The following BCAS3 variants were observed in gnomAD, a reference collection of about 807,000 sequenced individuals.
BCAS3 encodes BCAS4/BCAS3 fusion.
Under a neutral mutation model 116.1 loss-of-function variants are expected in BCAS3, and 53 were observed. The ratio of observed to expected loss-of-function variants is 0.46; its 90% CI spans 0.37 to 0.57. BCAS3 has a LOEUF of 0.57. BCAS3 is among the 20% of genes least tolerant of loss of function. The pLI is 0.00. For missense variants in BCAS3, 917 were observed against 1,165.4 expected (o/e 0.79, Z 3.10); for synonymous variants, 391 against 408.2 (o/e 0.96, Z 0.51).
intron 22 of BCAS3, among the ~76,000 whole-genome samples, chr17:61,266,410 A>G (rs1191078841): frequency 6.6e-6 from 1 of 152,208 alleles, no homozygotes; most frequent in African/African-American, 2.4e-5. Flanking sequence ...TGCTTCTCAC[A>G]AGAAAATTCA....
chr17:60,876,467 C>T (rs1350737323), intron 9 of BCAS3, among the ~76,000 whole-genome samples: 1 of 152,000 alleles, frequency 6.6e-6, no homozygotes, highest in Non-Finnish European at 1.5e-5. Flanking sequence ...CTTTAGCTTA[C>T]AGAAACTTCT....
chr17:60,790,708 G>C (rs1371790934), intron 6 of BCAS3, among the ~76,000 whole-genome samples: 1 of 141,678 alleles, frequency 7.1e-6, no homozygotes, highest in Non-Finnish European at 1.5e-5. Context: ...AATAACTATA[G>C]TTTTATTCAT....
chr17:61,207,977 T>C (rs988196904), intron 22 of BCAS3, among the ~76,000 whole-genome samples: 1 of 152,148 alleles, frequency 6.6e-6, no homozygotes, highest in Non-Finnish European at 1.5e-5. Flanking sequence ...TGCTTTTAAA[T>C]AGAATTAGAG....
At chr17:60,809,341 T>C (rs2048581221) in intron 7 of BCAS3, among the ~76,000 whole-genome samples, 1 of 151,338 alleles carries the variant, frequency 6.6e-6, no homozygotes, top group Non-Finnish European at 1.5e-5. Flanking sequence ...TGAAAACAAC[T>C]ATTGCAGTAC....
At chr17:61,328,950 A>C (rs1414176291) in intron 22 of BCAS3, among the ~76,000 whole-genome samples, 1 of 136,780 alleles carries the variant, frequency 7.3e-6, no homozygotes, top group Non-Finnish European at 1.5e-5. Flanking sequence ...GCTGGAGTGC[A>C]GTGGTGCAAT....
At chr17:61,221,122 C>G (rs1228351918) in intron 22 of BCAS3, among the ~76,000 whole-genome samples, 1 of 152,116 alleles carries the variant, frequency 6.6e-6, no homozygotes, top group Non-Finnish European at 1.5e-5. Flanking sequence ...AAGTGTGGTT[C>G]ATAGTAGAAT....
chr17:60,941,290 G>T (rs1402350874), intron 13 of BCAS3, among the ~76,000 whole-genome samples: 1 of 152,132 alleles, frequency 6.6e-6, no homozygotes, highest in Non-Finnish European at 1.5e-5. Context: ...CTCATTTGGG[G>T]CGTGGGTTTA....
At chr17:60,782,588 A>G (rs1365461668) in intron 6 of BCAS3, among the ~76,000 whole-genome samples, 5 of 147,850 alleles carry the variant, frequency 3.4e-5, no homozygotes, top group African/African-American at 4.9e-5. Flanking sequence ...TATTATTATT[A>G]TTATTATTAT....
At chr17:60,911,535 T>C (rs1377455491) in intron 12 of BCAS3, among the ~76,000 whole-genome samples, 3 of 152,168 alleles carry the variant, frequency 2.0e-5, no homozygotes, top group African/African-American at 7.2e-5. Context: ...TGACCTCAAG[T>C]GATCTGTCCG....
intron 19 of BCAS3, among the ~76,000 whole-genome samples, chr17:61,061,585 G>A (rs2070042345): frequency 6.6e-6 from 1 of 152,160 alleles, no homozygotes; most frequent in Non-Finnish European, 1.5e-5. Context: ...ACCAAAAATA[G>A]TGATTATTTA....
rs770127026 is a variant in BCAS3 at position 61,278,474 on chromosome 17, C to T, written c.2426-89853C>T. ...ACAGGTGTGTGCCACCATGCCCAGC[C>T]TCTATCAACTGTTGGATGGACCTAC... On this transcript the variant is annotated intron_variant, in intron 22 of 23. Coordinates refer to ENST00000407086, the MANE Select transcript of BCAS3 (RefSeq NM_017679.5). The surrounding 1 kb of genome is among the most constrained non-coding windows in gnomAD (Gnocchi z 5.8). Among the ~76,000 whole-genome samples the T allele has an allele frequency of 2.4e-4, 36 of 152,070 alleles. No homozygotes were observed. Among genetic ancestry groups the T allele is most frequent in the Non-Finnish European group, 4.6e-4 (31 of 68,002 alleles).
At chr17:60,756,268 C>A (rs932913925) in intron 6 of BCAS3, among the ~76,000 whole-genome samples, 2 of 152,204 alleles carry the variant, frequency 1.3e-5, no homozygotes, top group Non-Finnish European at 2.9e-5. Flanking sequence ...CCACCACTTA[C>A]CTAACAGGAG....
chr17:60,865,090 G>A (rs1238991968), intron 7 of BCAS3, among the ~76,000 whole-genome samples: 2 of 152,088 alleles, frequency 1.3e-5, no homozygotes, highest in Non-Finnish European at 2.9e-5. Context: ...GAAGTATTAT[G>A]AGAATTACCA....
At chr17:60,803,276 G>A (rs903829939) in intron 6 of BCAS3, among the ~76,000 whole-genome samples, 1 of 152,154 alleles carries the variant, frequency 6.6e-6, no homozygotes, top group South Asian at 2.1e-4. Flanking sequence ...GCCTAACAGG[G>A]TAAAGGTCTT....
chr17:60,926,425 A>T (rs1056628215), intron 13 of BCAS3, among the ~76,000 whole-genome samples: 47 of 152,316 alleles, frequency 3.1e-4, no homozygotes, highest in African/African-American at 1.1e-3. Flanking sequence ...GATTATCATT[A>T]TATAGAGATA....
Position 61,213,512 on chromosome 17 carries a change from CTTA to C in BCAS3, c.2425+128954_2425+128956del, listed in dbSNP as rs202110646. On this transcript the variant is annotated intron_variant, in intron 22 of 23. Coordinates refer to ENST00000407086, the MANE Select transcript of BCAS3 (RefSeq NM_017679.5). The surrounding 1 kb of genome is among the most constrained non-coding windows in gnomAD (Gnocchi z 5.4). ...GAAAAAAGTAAGGCATGAAAAGAGT[CTTA>C]TTATTTGTTTAGTTGACAGGAAATT... 7.5e-3 allele frequency among the ~76,000 whole-genome samples: 1,146 copies of C among 152,152 alleles called. 17 individuals are homozygous for C. Among genetic ancestry groups the C allele is most frequent in the African/African-American group, 0.026 (1,068 of 41,494 alleles).
At chr17:60,730,922 A>C (rs2040394686) in intron 5 of BCAS3, among the ~76,000 whole-genome samples, 1 of 152,142 alleles carries the variant, frequency 6.6e-6, no homozygotes, top group Admixed American at 6.6e-5. Flanking sequence ...CTTTCAGTAG[A>C]GCTGGCTCTG....
rs1320456992 is a variant in BCAS3, at chr17:60,825,162, T to C, written c.476+17086T>C. 6.1e-5 allele frequency among the ~76,000 whole-genome samples: 9 copies of C among 147,476 alleles called. No individual in the cohort carries two copies. In the East Asian group the frequency reaches 1.6e-3, roughly 26 times the overall value. On this transcript the variant is annotated intron_variant, in intron 7 of 23. Coordinates refer to ENST00000407086, the MANE Select transcript of BCAS3 (RefSeq NM_017679.5). The stretch of plus-strand genomic sequence containing the variant: ...GCCTGGATGACAGACTGAGAACCTG[T>C]CTCAAAAAAAAAAAAAAAAATTAGG...
intron 5 of BCAS3, among the ~76,000 whole-genome samples, chr17:60,713,426 GA>G (rs1402035120): frequency 6.6e-6 from 1 of 152,040 alleles, no homozygotes; most frequent in Admixed American, 6.6e-5. Flanking sequence ...GGCCAACCTA[GA>G]AAAAAATGAC....
Sources: allele counts gnomAD v4.1 joint callset (sites outside exome capture counted in the v4.1 genomes callset), GRCh38; gene constraint gnomAD v4.1.1; non-coding constraint Gnocchi (gnomAD v3.1); transcripts MANE v1.5; gene names NCBI Gene and HGNC (gene_info 2026-07-23, HGNC 2026-07-21).